The following ST6GAL1 variants were observed in gnomAD, a reference collection of about 807,000 sequenced individuals.
ST6GAL1 encodes beta-galactoside alpha-2,6-sialyltransferase 1.
ST6GAL1 carries 20 observed loss-of-function variants against 38.0 expected under a neutral mutation model. That is an observed-to-expected ratio of 0.53 (90% CI 0.37 to 0.77). The LOEUF (loss-of-function observed/expected upper bound fraction) is 0.77, where lower values mean the gene tolerates loss of function less well. ST6GAL1 is among the 30% of genes least tolerant of loss of function. The pLI, the probability that ST6GAL1 is intolerant of heterozygous loss-of-function variation, is 0.00. For missense variants in ST6GAL1, 432 were observed against 496.4 expected (o/e 0.87, Z 1.23); for synonymous variants, 196 against 188.2 (o/e 1.04, Z -0.34).
chr3:186,997,741 T>G (rs560711523), intron 2 of ST6GAL1, among the ~76,000 whole-genome samples: 30 of 143,944 alleles, frequency 2.1e-4, no homozygotes, highest in Non-Finnish European at 4.5e-4. Flanking sequence ...TAGGACAGAG[T>G]GAGACTCTGT....
At chr3:186,985,739 C>T (rs528595946) in intron 2 of ST6GAL1, among the ~76,000 whole-genome samples, 8 of 148,272 alleles carry the variant, frequency 5.4e-5, no homozygotes, top group South Asian at 4.3e-4. Context: ...TGCGCCACTG[C>T]GCTCCAGCCT....
chr3:187,024,830 T>C (rs1016959482), intron 2 of ST6GAL1: 2 of 152,230 alleles, frequency 1.3e-5, no homozygotes, highest in Non-Finnish European at 2.9e-5. Context: ...CAAAATGTCC[T>C]GTCCTTGTTT....
At chr3:187,047,167 G>A (rs904089341) in intron 4 of ST6GAL1, among the ~76,000 whole-genome samples, 4 of 151,790 alleles carry the variant, frequency 2.6e-5, no homozygotes, top group South Asian at 2.1e-4. Flanking sequence ...GGATGGTCTC[G>A]ATCTCCTGAT....
Position 187,075,906 on chromosome 3 carries a change from T to C in ST6GAL1, c.*103T>C. 6.6e-7 allele frequency: 1 copy of C among 1,520,712 alleles called. No homozygotes were observed. The highest frequency in any genetic ancestry group is 8.8e-7 in the Non-Finnish European group (1 of 1,132,326). The allele number at this position is 1,520,712 out of a possible 1,614,324, so 94.2% of individuals were successfully genotyped here. ...CCTGAACAATTCCAGCCTGCTCCTT[T>C]TACTCTAGGGGCCTCTGTCAGCAAG... is the stretch of plus-strand genomic sequence containing the variant. On this transcript the variant is annotated 3_prime_UTR_variant, in exon 8 of 8. Coordinates refer to ENST00000169298, the MANE Select transcript of ST6GAL1 (RefSeq NM_173216.2). This position sits in a 1 kb window ranked among gnomAD's most constrained non-coding sequence, Gnocchi z 4.1.
At chr3:187,000,377 C>G (rs1203454817) in intron 2 of ST6GAL1, among the ~76,000 whole-genome samples, 1 of 145,510 alleles carries the variant, frequency 6.9e-6, no homozygotes, top group Non-Finnish European at 1.5e-5. Flanking sequence ...TGGTGAAACC[C>G]CATCTCTACT....
chr3:187,000,150 C>T (rs1488645381), intron 2 of ST6GAL1, among the ~76,000 whole-genome samples: 1 of 152,130 alleles, frequency 6.6e-6, no homozygotes, highest in African/African-American at 2.4e-5. Context: ...TAAAATGTAT[C>T]CTGCCTCCTG....
At chr3:186,993,052 C>T (rs946156536) in intron 2 of ST6GAL1, among the ~76,000 whole-genome samples, 1 of 152,014 alleles carries the variant, frequency 6.6e-6, no homozygotes, top group African/African-American at 2.4e-5. Flanking sequence ...CCATCACTCC[C>T]CTCCTCTGTC....
intron 2 of ST6GAL1, among the ~76,000 whole-genome samples, chr3:187,023,635 A>G (rs1230776157): frequency 6.6e-6 from 1 of 152,206 alleles, no homozygotes; most frequent in Non-Finnish European, 1.5e-5. Context: ...TATGGCAAGG[A>G]CAAAAAGCCA....
rs117818611 is a variant in ST6GAL1, at chr3:187,008,766, G to T, written c.-182-29976G>T. Among the ~76,000 whole-genome samples the T allele has an allele frequency of 5.0e-3, 768 of 152,232 alleles. 22 individuals carry two copies. The East Asian group carries it at 0.08, about 16-fold the overall frequency. ...CACAAACATAAATCTCATGACATGG[G>T]TAACTACAAACTACTGGCGATATTT... On this transcript the variant is annotated intron_variant, in intron 2 of 7. Transcript: ENST00000169298.
At chr3:187,045,300 T>G (rs1718258792) in intron 4 of ST6GAL1, among the ~76,000 whole-genome samples, 1 of 152,066 alleles carries the variant, frequency 6.6e-6, no homozygotes. Context: ...CTTTTTTTTT[T>G]TTGTCCATAG....
At chr3:187,065,506 A>T (rs2108597779) in intron 5 of ST6GAL1, among the ~76,000 whole-genome samples, 1 of 152,344 alleles carries the variant, frequency 6.6e-6, no homozygotes, top group East Asian at 1.9e-4. Flanking sequence ...TATGAGAGTC[A>T]ACAGGAAAAA....
At chr3:186,997,273 C>T (rs965535861) in intron 2 of ST6GAL1, among the ~76,000 whole-genome samples, 1 of 152,084 alleles carries the variant, frequency 6.6e-6, no homozygotes, top group African/African-American at 2.4e-5. Flanking sequence ...CAGGGTGTCA[C>T]CCCCTGTTTT....
intron 1 of ST6GAL1, among the ~76,000 whole-genome samples, chr3:186,950,483 C>T (rs1221657665): frequency 6.6e-6 from 1 of 152,192 alleles, no homozygotes; most frequent in Non-Finnish European, 1.5e-5. Context: ...GGGCTAGGAG[C>T]AGGAGTGGGC....
At chr3:187,029,977 C>A (rs1306566685) in intron 2 of ST6GAL1, among the ~76,000 whole-genome samples, 1 of 152,050 alleles carries the variant, frequency 6.6e-6, no homozygotes, top group East Asian at 1.9e-4. Context: ...GATGCCTGAA[C>A]TCAAGATTAT....
chr3:187,027,756 A>T (rs979798468), intron 2 of ST6GAL1, among the ~76,000 whole-genome samples: 1 of 152,100 alleles, frequency 6.6e-6, no homozygotes, highest in African/African-American at 2.4e-5. Flanking sequence ...GCTGACCGCA[A>T]GATGCTCACA....
At chr3:186,982,216 G>T (rs1273678032) in intron 2 of ST6GAL1, among the ~76,000 whole-genome samples, 1 of 152,216 alleles carries the variant, frequency 6.6e-6, no homozygotes, top group Non-Finnish European at 1.5e-5. Context: ...GAAATTTAGA[G>T]ATTGGTTACC....
intron 1 of ST6GAL1, among the ~76,000 whole-genome samples, chr3:186,932,343 G>A (rs1713788682): frequency 1.3e-5 from 2 of 152,146 alleles, no homozygotes; most frequent in Non-Finnish European, 2.9e-5. Context: ...ATCGCTCAGC[G>A]GGCAACTAAA....
intron 2 of ST6GAL1, among the ~76,000 whole-genome samples, chr3:187,007,994 T>C (rs1056751148): frequency 4.0e-5 from 6 of 151,188 alleles, no homozygotes; most frequent in Non-Finnish European, 7.4e-5. Context: ...CAAAAAAAAA[T>C]TGGAGAAAAA....
chr3:186,945,040 C>T (rs1714307535), intron 1 of ST6GAL1, among the ~76,000 whole-genome samples: 1 of 152,130 alleles, frequency 6.6e-6, no homozygotes, highest in Non-Finnish European at 1.5e-5. Flanking sequence ...TTACAGAGGC[C>T]AGGTGAGGTG....
Sources: allele counts gnomAD v4.1 joint callset (sites outside exome capture counted in the v4.1 genomes callset), GRCh38; gene constraint gnomAD v4.1.1; non-coding constraint Gnocchi (gnomAD v3.1); transcripts MANE v1.5; gene names NCBI Gene and HGNC (gene_info 2026-07-23, HGNC 2026-07-21).